The following DCP2 variants were observed in gnomAD, a reference collection of about 807,000 sequenced individuals.
DCP2 encodes the protein m7GpppN-mRNA hydrolase.
A neutral mutation model predicts 56.1 loss-of-function variants in DCP2; 30 were observed. The observed-to-expected ratio is 0.53, with a 90% CI of 0.40 to 0.73. DCP2 has a LOEUF of 0.73. Ranked by LOEUF, DCP2 falls within the 30% of genes least tolerant of loss-of-function variation. The pLI is 0.00. For synonymous variants in DCP2, 197 were observed against 163.3 expected (o/e 1.21, Z -1.57); for missense variants, 533 against 502.7 (o/e 1.06, Z -0.58).
intron 8 of DCP2, among the ~76,000 whole-genome samples, chr5:113,004,740 G>C (rs572598482): frequency 6.6e-6 from 1 of 151,730 alleles, no homozygotes; most frequent in Non-Finnish European, 1.5e-5. Flanking sequence ...AAATACATGA[G>C]AGTTCTAATC....
intron 4 of DCP2, among the ~76,000 whole-genome samples, chr5:112,995,848 G>C (rs1054409017): frequency 1.3e-5 from 2 of 152,190 alleles, no homozygotes; most frequent in Non-Finnish European, 2.9e-5. Flanking sequence ...AGATGGAGTG[G>C]CTTAAACAAA....
rs1749816238 is a variant in DCP2, at chr5:113,014,815, C to T, written c.*1331C>T. 6.6e-6 allele frequency: 1 copy of T among 152,502 alleles called. No homozygotes were observed. Among genetic ancestry groups the T allele is most frequent in the Admixed American group, 6.6e-5 (1 of 15,262 alleles). The allele number at this position is 152,502 out of a possible 1,614,324, so 9.4% of individuals were successfully genotyped here. On this transcript the variant is annotated 3_prime_UTR_variant, in exon 11 of 11. Coordinates refer to ENST00000389063, the MANE Select transcript of DCP2 (RefSeq NM_152624.6). The stretch of plus-strand genomic sequence containing the variant: ...AAAAATCCTTTTTTACAGTGGTATC[C>T]ACAAAATACTTCTCTGCTTATAAAT...
At chr5:113,009,921 C>CTTTTT (rs564861668) in intron 9 of DCP2, among the ~76,000 whole-genome samples, 7 of 136,136 alleles carry the variant, frequency 5.1e-5, no homozygotes, top group African/African-American at 1.6e-4. Flanking sequence ...CTTTTTTTTC[C>CTTTTT]TTTTTTTTTT....
rs1048644036 is a variant in DCP2, at chr5:113,015,320, A to G, written c.*1836A>G. 3.3e-5 allele frequency: 5 copies of G among 152,048 alleles called. No homozygotes were observed. The highest frequency in any genetic ancestry group is 1.2e-4 in the African/African-American group (5 of 41,342). The allele number at this position is 152,048 out of a possible 1,614,324, so 9.4% of individuals were successfully genotyped here. ...TTTTCACTCATTTATTGTCTTCTGG[A>G]AACCATTTAACTTTTACTGTTTTTT... On this transcript the variant is annotated 3_prime_UTR_variant, in exon 11 of 11. Transcript: ENST00000389063.
intron 8 of DCP2, among the ~76,000 whole-genome samples, chr5:113,005,467 A>G (rs1402429382): frequency 2.0e-5 from 3 of 152,174 alleles, no homozygotes; most frequent in African/African-American, 7.2e-5. Context: ...CTTCTTACCC[A>G]TTAGGATGGC....
Position 113,021,257 on chromosome 5 carries a change from C to T in DCP2, c.*7773C>T, listed in dbSNP as rs1285279076. On this transcript the variant is annotated 3_prime_UTR_variant, in exon 11 of 11. Transcript: ENST00000389063. ...TGGTGCGTGTCTGTAGTCCCAGCTACTTGGGAGGCTGAGGCAGGAGAATCT... is the reference window on the plus strand; with the variant it reads ...TGGTGCGTGTCTGTAGTCCCAGCTATTTGGGAGGCTGAGGCAGGAGAATCT... 6.6e-6 allele frequency among the ~76,000 whole-genome samples: 1 copy of T among 151,732 alleles called. No individual in the cohort carries two copies. The highest frequency in any genetic ancestry group is 1.5e-5 in the Non-Finnish European group (1 of 67,954).
intron 10 of DCP2, among the ~76,000 whole-genome samples, chr5:113,012,026 T>C (rs1749698260): frequency 6.6e-6 from 1 of 152,214 alleles, no homozygotes. Flanking sequence ...TTAATAGGAT[T>C]TTTTTCTGGC....
rs758529981 is a variant in DCP2 at position 113,004,214 on chromosome 5, T to C, written c.942+137T>C. On this transcript the variant is annotated intron_variant, in intron 8 of 10. Coordinates refer to ENST00000389063, the MANE Select transcript of DCP2 (RefSeq NM_152624.6). ...TCAAAGCCTGTATGTTCCTTACTTATGATTTGAAGCAGGGCTGAGGCTTCT... is the reference window on the plus strand; with the variant it reads ...TCAAAGCCTGTATGTTCCTTACTTACGATTTGAAGCAGGGCTGAGGCTTCT... 281 of 1,019,356 alleles carry C rather than the reference T, an allele frequency of 2.8e-4. 1 individual carries two copies. Among genetic ancestry groups the C allele is most frequent in the South Asian group, 7.4e-4 (42 of 56,674 alleles). 63.1% of individuals were successfully genotyped at this position (1,019,356 alleles called of 1,614,324 possible).
intron 4 of DCP2, among the ~76,000 whole-genome samples, chr5:112,998,744 T>A (rs1033899467): frequency 6.6e-6 from 1 of 152,246 alleles, no homozygotes; most frequent in Non-Finnish European, 1.5e-5. Context: ...GATAAATGTG[T>A]GTGCAGAGTT....
intron 2 of DCP2, among the ~76,000 whole-genome samples, chr5:112,988,464 C>G (rs932231007): frequency 7.3e-6 from 1 of 136,408 alleles, no homozygotes; most frequent in African/African-American, 2.7e-5. Flanking sequence ...TGCACTCCAG[C>G]CTGGGTGACA....
chr5:113,004,780 A>AT (rs1436005597), intron 8 of DCP2, among the ~76,000 whole-genome samples: 2 of 149,738 alleles, frequency 1.3e-5, no homozygotes, highest in African/African-American at 2.5e-5. Flanking sequence ...ACTTGATGTT[A>AT]TTTTTTTAAT....
In DCP2 at chr5:113,007,879, T is replaced by A. The variant is rs1580831881; in HGVS notation, c.943-59T>A. On this transcript the variant is annotated intron_variant, in intron 8 of 10. Transcript: ENST00000389063. Reference sequence around the variant, plus strand: ...CAGCTAAACATATTCATGGGGTATTTTTTTTGTGCTATTACATTATGCTAT... The same window carrying A: ...CAGCTAAACATATTCATGGGGTATTATTTTTGTGCTATTACATTATGCTAT... 18 of 1,451,150 alleles carry A rather than the reference T, an allele frequency of 1.2e-5. No homozygotes were observed. In the East Asian group the frequency reaches 4.3e-4, roughly 35 times the overall value. The allele number at this position is 1,451,150 out of a possible 1,614,324, so 89.9% of individuals were successfully genotyped here.
rs375171548 is a variant in DCP2, at chr5:112,997,421, C to G, written c.433-3663C>G. Among the ~76,000 whole-genome samples the G allele has an allele frequency of 1.3e-3, 200 of 152,200 alleles. 1 individual carries two copies. Among genetic ancestry groups the G allele is most frequent in the African/African-American group, 4.6e-3 (193 of 41,524 alleles). On this transcript the variant is annotated intron_variant, in intron 4 of 10. Coordinates refer to ENST00000389063, the MANE Select transcript of DCP2 (RefSeq NM_152624.6). ...TAATATATCGTTCCTTATTATTTGGCAAAGCAGTGTTTTAGTGTAATGAAA... is the reference window on the plus strand; with the variant it reads ...TAATATATCGTTCCTTATTATTTGGGAAAGCAGTGTTTTAGTGTAATGAAA...
intron 2 of DCP2, among the ~76,000 whole-genome samples, chr5:112,988,906 T>TG (rs1468263542): frequency 6.6e-6 from 1 of 152,238 alleles, no homozygotes; most frequent in Non-Finnish European, 1.5e-5. Flanking sequence ...ATTTTGTGTG[T>TG]GTTTGCACAT....
intron 4 of DCP2, among the ~76,000 whole-genome samples, chr5:112,993,954 TTTTATTTA>T (rs547535354): frequency 6.6e-6 from 1 of 151,466 alleles, no homozygotes; most frequent in Non-Finnish European, 1.5e-5. Context: ...TAGTTTTAAT[TTTTATTTA>T]TTTATTTATT....
rs1350356164 is a variant in DCP2, at chr5:112,992,713, A to C, written c.375A>C (p.Gly125=). The C allele has an allele frequency of 6.3e-7, 1 of 1,586,438 alleles. No homozygotes were observed. The highest frequency in any genetic ancestry group is 2.3e-5 in the East Asian group (1 of 43,144). The part of the protein sequence containing the change: ...VQGYLAKSGW[G]FPKGKVNKEE... ...GGTACCTAGCAAAATCAGGCTGGGG[A>C]TTTCCAAAAGGAAAAGTAAATAAAG... The change falls in exon 4 of 11, where the codon GGA becomes GGC. Residue 125 remains glycine (G), a synonymous_variant. Transcript: ENST00000389063.
At chr5:112,984,535 A>G (rs1192590370) in intron 1 of DCP2, 1 of 151,864 alleles carries the variant, frequency 6.6e-6, no homozygotes, top group Non-Finnish European at 1.5e-5. Context: ...GTAAATTTAC[A>G]GTAGCCCTTA....
chr5:113,017,749 T>G lies in DCP2; in HGVS notation c.*4265T>G, dbSNP rs1464124557. 1 of 152,196 alleles carries G rather than the reference T, an allele frequency of 6.6e-6. No homozygotes were observed. Among genetic ancestry groups the G allele is most frequent in the Non-Finnish European group, 1.5e-5 (1 of 68,026 alleles). 9.4% of individuals were successfully genotyped at this position (152,196 alleles called of 1,614,324 possible). ...AAACTTTAGAGCATTTATCAATACT[T>G]GAGTGCTTTATTATGTTCCAGGCTA... On this transcript the variant is annotated 3_prime_UTR_variant, in exon 11 of 11. Transcript: ENST00000389063.
chr5:112,984,276 T>A (rs1166456329), intron 1 of DCP2: 1 of 152,186 alleles, frequency 6.6e-6, no homozygotes, highest in Non-Finnish European at 1.5e-5. Flanking sequence ...TATGTCAGAA[T>A]ATCCAAAAAG....
Sources: allele counts gnomAD v4.1 joint callset (sites outside exome capture counted in the v4.1 genomes callset), GRCh38; gene constraint gnomAD v4.1.1; transcripts MANE v1.5; gene names NCBI Gene and HGNC (gene_info 2026-07-23, HGNC 2026-07-21).